PCDHA8: variants seen among roughly 807,000 people sequenced by gnomAD.
PCDHA8 encodes the protein protocadherin alpha 8.
A neutral mutation model predicts 61.8 loss-of-function variants in PCDHA8; 53 were observed. That is an observed-to-expected ratio of 0.86 (90% CI 0.69 to 1.08). PCDHA8 has a LOEUF of 1.08. Ranked by LOEUF, PCDHA8 falls within the 50% of genes least tolerant of loss-of-function variation. PCDHA8 has a pLI of 0.00. For synonymous variants in PCDHA8, 618 were observed against 556.6 expected, an observed-to-expected ratio of 1.11 and a Z score of -1.55; for missense variants, 1,293 against 1,245.0, an observed-to-expected ratio of 1.04 and a Z score of -0.58.
At chr5:140,967,047 T>C in intron 1 of PCDHA8, 5 of 1,612,444 alleles carry the variant, frequency 3.1e-6, no homozygotes, top group Non-Finnish European at 4.2e-6. Flanking sequence ...GAGCTGGACC[T>C]GACGAGTGGA....
chr5:140,856,457 CA>C, intron 1 of PCDHA8: 1 of 1,598,330 alleles, frequency 6.3e-7, no homozygotes, highest in East Asian at 2.2e-5. Context: ...CGTAACAGAA[CA>C]AAAGCTCTCA....
chr5:140,912,145 C>T (rs561351882), intron 1 of PCDHA8, among the ~76,000 whole-genome samples: 1 of 152,302 alleles, frequency 6.6e-6, no homozygotes, highest in African/African-American at 2.4e-5. Flanking sequence ...CCATGTTCTT[C>T]TGCCTGTTTT....
At chr5:140,917,305 C>T (rs1554197951) in intron 1 of PCDHA8, among the ~76,000 whole-genome samples, 1 of 137,094 alleles carries the variant, frequency 7.3e-6, no homozygotes, top group African/African-American at 2.7e-5. Flanking sequence ...ATAGTTGTTA[C>T]AATTTGGTGT....
intron 1 of PCDHA8, among the ~76,000 whole-genome samples, chr5:140,961,978 G>T (rs1336878095): frequency 6.6e-6 from 1 of 151,828 alleles, no homozygotes; most frequent in Non-Finnish European, 1.5e-5. Context: ...CCGCCTCCTG[G>T]GTTCACGCCA....
In PCDHA8 at chr5:140,843,765, A is replaced by G. The variant is rs2150366342; in HGVS notation, c.2394+50A>G. 3 of 1,487,856 alleles carry G rather than the reference A, an allele frequency of 2.0e-6. No homozygotes were observed. In the South Asian group the frequency reaches 3.6e-5, roughly 18 times the overall value. The allele number at this position is 1,487,856 out of a possible 1,614,324, so 92.2% of individuals were successfully genotyped here. On this transcript the variant is annotated intron_variant, in intron 1 of 3. Transcript: ENST00000531613. ...CATAAATTCTATTTGTGGAAATTGT[A>G]GTTACTTTAAAAGTGTTTCAGATTT...
intron 1 of PCDHA8, chr5:140,852,574 G>T (rs1056497020): frequency 3.8e-6 from 3 of 793,008 alleles, no homozygotes; most frequent in Non-Finnish European, 4.7e-6. Context: ...CTGTGCCAAG[G>T]CTTTTTTATT....
chr5:140,978,721 A>C (rs2096819896), intron 1 of PCDHA8, among the ~76,000 whole-genome samples: 1 of 152,236 alleles, frequency 6.6e-6, no homozygotes, highest in African/African-American at 2.4e-5. Flanking sequence ...CAAGATTATT[A>C]AATCTGGTCT....
chr5:140,929,665 AGAAT>A (rs2086286980), intron 1 of PCDHA8: 2 of 332,822 alleles, frequency 6.0e-6, no homozygotes, highest in East Asian at 1.0e-4. Flanking sequence ...TTTAAAGTGA[AGAAT>A]GAAAAATATG....
intron 1 of PCDHA8, chr5:140,869,509 A>T (rs199564677): frequency 3.1e-6 from 5 of 1,614,206 alleles, no homozygotes; most frequent in Non-Finnish European, 3.4e-6. Context: ...GTTCTCGCTC[A>T]GAGAACAAAA....
chr5:140,968,095 TGGG>T (rs1554230332), intron 1 of PCDHA8: 1 of 1,613,884 alleles, frequency 6.2e-7, no homozygotes, highest in African/African-American at 1.3e-5. Flanking sequence ...CAGCCACAGA[TGGG>T]GGAATACCGC....
At chr5:140,959,815 C>T (rs1239999748) in intron 1 of PCDHA8, among the ~76,000 whole-genome samples, 1 of 151,920 alleles carries the variant, frequency 6.6e-6, no homozygotes, top group Non-Finnish European at 1.5e-5. Context: ...TATATTTTAC[C>T]CACATGATAA....
chr5:140,925,076 A>G (rs1388489555), intron 1 of PCDHA8, among the ~76,000 whole-genome samples: 2 of 148,798 alleles, frequency 1.3e-5, no homozygotes, highest in Non-Finnish European at 3.0e-5. Context: ...CAACACGCTC[A>G]TCTGGAAAGG....
chr5:140,965,174 CT>C (rs1213439654), intron 1 of PCDHA8, among the ~76,000 whole-genome samples: 1 of 152,110 alleles, frequency 6.6e-6, no homozygotes, highest in East Asian at 1.9e-4. Context: ...TTAGTGAGTG[CT>C]TTTTTTGCAC....
intron 1 of PCDHA8, chr5:140,856,371 T>G: frequency 6.3e-7 from 1 of 1,598,432 alleles, no homozygotes; most frequent in South Asian, 1.1e-5. Flanking sequence ...CTGGAGGTGA[T>G]CGTGGACAGG....
chr5:140,978,424 T>C (rs1554239310), intron 1 of PCDHA8, among the ~76,000 whole-genome samples: 1 of 152,238 alleles, frequency 6.6e-6, no homozygotes, highest in African/African-American at 2.4e-5. Flanking sequence ...GAGACTGTTA[T>C]CAGTTGCTGG....
rs2053195452 is a variant in PCDHA8, at chr5:140,871,568, T to G, written c.2394+27853T>G. ...TTAAAATCCAGTTTTTTTTCACGGATTTTTTAAGGGAAAGTTTTATGAATA... is the reference window on the plus strand; with the variant it reads ...TTAAAATCCAGTTTTTTTTCACGGAGTTTTTAAGGGAAAGTTTTATGAATA... On this transcript the variant is annotated intron_variant, in intron 1 of 3. Coordinates refer to ENST00000531613, the MANE Select transcript of PCDHA8 (RefSeq NM_018911.3). 4.7e-6 allele frequency: 7 copies of G among 1,481,802 alleles called. No homozygotes were observed. In the East Asian group the frequency reaches 1.7e-4, roughly 37 times the overall value. The allele number at this position is 1,481,802 out of a possible 1,614,324, so 91.8% of individuals were successfully genotyped here. A position where few individuals can be genotyped will look rare whatever the true frequency, so the allele number is the denominator to read the frequency against.
chr5:140,858,772 A>G lies in PCDHA8; in HGVS notation c.2394+15057A>G. ...TTTCGTTACAAATATTTGTGAGATTAGTACTTCATGTTATTTCATTTCCAA... is the reference window on the plus strand; with the variant it reads ...TTTCGTTACAAATATTTGTGAGATTGGTACTTCATGTTATTTCATTTCCAA... On this transcript the variant is annotated intron_variant, in intron 1 of 3. Transcript: ENST00000531613. 1.4e-5 allele frequency: 6 copies of G among 437,250 alleles called. No homozygotes were observed. In the South Asian group the frequency reaches 1.5e-4, roughly 11 times the overall value. 27.1% of individuals were successfully genotyped at this position (437,250 alleles called of 1,614,324 possible).
intron 1 of PCDHA8, among the ~76,000 whole-genome samples, chr5:140,889,996 A>G (rs1162958741): frequency 5.3e-5 from 8 of 152,152 alleles, no homozygotes; most frequent in African/African-American, 1.9e-4. Flanking sequence ...TAGCTTTCCA[A>G]GCTTAGGTGC....
chr5:140,979,405 C>A (rs2096849045), intron 2 of PCDHA8, among the ~76,000 whole-genome samples: 1 of 151,828 alleles, frequency 6.6e-6, no homozygotes, highest in Non-Finnish European at 1.5e-5. Flanking sequence ...TGTTGTCTAC[C>A]TTGTTTTTTT....
Sources: gnomAD v4.1 joint callset for allele counts (sites outside exome capture counted in the v4.1 genomes callset) on GRCh38, gnomAD v4.1.1 for gene constraint, MANE v1.5 for transcripts, NCBI Gene and HGNC (gene_info 2026-07-23, HGNC 2026-07-21) for gene names.